Variants in SMAP1 observed in about 807,000 individuals in gnomAD.
The protein encoded by SMAP1 is stromal membrane-associated protein 1.
In SMAP1, 24 loss-of-function variants were observed where a neutral mutation model predicts 58.5. That is an observed-to-expected ratio of 0.41 (90% CI 0.30 to 0.58). The LOEUF (loss-of-function observed/expected upper bound fraction) is 0.58. Ranked by LOEUF, SMAP1 falls within the 20% of genes least tolerant of loss-of-function variation. SMAP1 has a pLI of 0.29. For synonymous variants in SMAP1, 216 were observed against 196.6 expected (o/e 1.10, Z -0.82); for missense variants, 563 against 566.3 (o/e 0.99, Z 0.06).
Position 70,857,976 on chromosome 6 carries a change from T to C in SMAP1, c.1016T>C (p.Phe339Ser). 6.2e-7 allele frequency: 1 copy of C among 1,614,154 alleles called. No homozygotes were observed. Among genetic ancestry groups the C allele is most frequent in the Non-Finnish European group, 8.5e-7 (1 of 1,180,008 alleles). ...TTTACCTCACAAGCACCAGCTGCAT[T>C]TCAGGGCTTTCCATCGATGGGCGTG... is the stretch of plus-strand genomic sequence containing the variant. Reference protein sequence around the residue: ...IPFTSQAPAAFQGFPSMGVPV... With the variant: ...IPFTSQAPAASQGFPSMGVPV... Residue 339 changes from phenylalanine (F) to serine (S), a missense_variant, in exon 10 of 11, where the codon TTT becomes TCT. Transcript: ENST00000370455.
At chr6:70,837,655 CTT>C (rs1770645348) in intron 7 of SMAP1, 8 of 473,194 alleles carry the variant, frequency 1.7e-5, no homozygotes, top group African/African-American at 1.4e-4. Context: ...ATATTGTTAG[CTT>C]CTCTCTCTCT....
intron 7 of SMAP1, among the ~76,000 whole-genome samples, chr6:70,850,452 T>TC (rs1317352657): frequency 7.9e-5 from 12 of 152,100 alleles, no homozygotes; most frequent in Admixed American, 7.9e-4. Flanking sequence ...CCGTTTTTTT[T>TC]CCTTTTATTT....
intron 5 of SMAP1, among the ~76,000 whole-genome samples, chr6:70,796,665 A>G (rs1361687496): frequency 6.6e-6 from 1 of 152,132 alleles, no homozygotes; most frequent in Non-Finnish European, 1.5e-5. Context: ...AGATATGAAG[A>G]TCTTTTTTGA....
At chr6:70,766,751 T>G (rs999178358) in intron 3 of SMAP1, among the ~76,000 whole-genome samples, 3 of 152,218 alleles carry the variant, frequency 2.0e-5, no homozygotes, top group African/African-American at 7.2e-5. Context: ...TTTAATTTAA[T>G]TAGATCCCAT....
chr6:70,830,029 T>C (rs150355535), intron 6 of SMAP1, among the ~76,000 whole-genome samples: 1,592 of 152,342 alleles, frequency 0.01, 13 homozygotes, highest in Non-Finnish European at 0.016. Context: ...ATAAAAGCTT[T>C]AATAATTTGA....
intron 6 of SMAP1, among the ~76,000 whole-genome samples, chr6:70,828,123 GCTAT>G (rs1295336009): frequency 6.6e-6 from 1 of 151,968 alleles, no homozygotes; most frequent in Non-Finnish European, 1.5e-5. Context: ...AGTAATTATA[GCTAT>G]CAATCTATAT....
intron 6 of SMAP1, among the ~76,000 whole-genome samples, chr6:70,808,212 T>C (rs1489848197): frequency 6.6e-6 from 1 of 152,160 alleles, no homozygotes; most frequent in Non-Finnish European, 1.5e-5. Context: ...TTCAAACCCA[T>C]GTCGTTCAAG....
At chr6:70,860,154 A>C in intron 10 of SMAP1, 46 bp from the exon 11 acceptor site, 2 of 1,530,104 alleles carry the variant, frequency 1.3e-6, no homozygotes, top group South Asian at 2.6e-5. Context: ...ACAAGAATTA[A>C]AAGTGAAGTA....
chr6:70,808,409 T>C (rs1769229405), intron 6 of SMAP1, among the ~76,000 whole-genome samples: 1 of 152,226 alleles, frequency 6.6e-6, no homozygotes, highest in African/African-American at 2.4e-5. Context: ...GTGAATGTGT[T>C]CCATGAAAAC....
intron 1 of SMAP1, among the ~76,000 whole-genome samples, chr6:70,712,559 TCTGGTC>T (rs752013881): frequency 2.6e-4 from 40 of 152,328 alleles, no homozygotes; most frequent in Non-Finnish European, 3.2e-4. Flanking sequence ...TGTGAAGCCA[TCTGGTC>T]CTGGATTTTT....
At chr6:70,839,965 T>G (rs1374208825) in intron 7 of SMAP1, among the ~76,000 whole-genome samples, 1 of 152,192 alleles carries the variant, frequency 6.6e-6, no homozygotes, top group Admixed American at 6.5e-5. Context: ...ACCTTGGGCC[T>G]CAGGCTATTT....
In SMAP1 at chr6:70,682,842, A is replaced by G. The variant is rs529433490; in HGVS notation, c.118+14701A>G. The stretch of plus-strand genomic sequence containing the variant: ...CACTTGAGGTCATGAGTTCATAACC[A>G]GCCTGGCCAACGTGGCGAAACCCTG... On this transcript the variant is annotated intron_variant, in intron 1 of 10. Transcript: ENST00000370455. Among the ~76,000 whole-genome samples the G allele has an allele frequency of 3.3e-5, 5 of 152,276 alleles. No homozygotes were observed. The South Asian group carries it at 1.0e-3, about 32-fold the overall frequency.
intron 10 of SMAP1, chr6:70,859,924 T>C (rs1438285506): frequency 3.5e-6 from 1 of 284,778 alleles, no homozygotes; most frequent in African/African-American, 2.2e-5. Flanking sequence ...TGAAAGTTAG[T>C]TAGAGTAGCG....
At chr6:70,730,477 G>C (rs544379358) in intron 1 of SMAP1, among the ~76,000 whole-genome samples, 52 of 152,328 alleles carry the variant, frequency 3.4e-4, no homozygotes, top group Non-Finnish European at 6.0e-4. Context: ...GATAGATAAC[G>C]TTGTAAATTG....
chr6:70,758,815 TA>T (rs1766625993), intron 3 of SMAP1, among the ~76,000 whole-genome samples: 1 of 151,992 alleles, frequency 6.6e-6, no homozygotes, highest in East Asian at 1.9e-4. Flanking sequence ...CTGAAATTTC[TA>T]GCTTGGTTGA....
chr6:70,747,351 T>C (rs1285933314), intron 2 of SMAP1, among the ~76,000 whole-genome samples: 1 of 152,162 alleles, frequency 6.6e-6, no homozygotes, highest in Non-Finnish European at 1.5e-5. Context: ...GAAGAAAGCA[T>C]GTCGTGTTTG....
At chr6:70,680,712 G>GTTTTTTTTTTTTTT (rs34867967) in intron 1 of SMAP1, among the ~76,000 whole-genome samples, 1 of 78,980 alleles carries the variant, frequency 1.3e-5, no homozygotes, top group Non-Finnish European at 2.2e-5. Flanking sequence ...TGGATTTCCT[G>GTTTTTTTTTTTTTT]TTTTTTTTTT....
At chr6:70,770,741 T>A (rs1161693018) in intron 3 of SMAP1, among the ~76,000 whole-genome samples, 2 of 152,248 alleles carry the variant, frequency 1.3e-5, no homozygotes, top group Admixed American at 6.5e-5. Flanking sequence ...AGCCTTTTTC[T>A]CTCAACTTGT....
chr6:70,842,103 A>G (rs1011367157), intron 7 of SMAP1, among the ~76,000 whole-genome samples: 1 of 152,192 alleles, frequency 6.6e-6, no homozygotes, highest in African/African-American at 2.4e-5. Flanking sequence ...TTGTGTAGTT[A>G]TGTGCACATT....
Sources: gnomAD v4.1 joint callset for allele counts (sites outside exome capture counted in the v4.1 genomes callset) on GRCh38, gnomAD v4.1.1 for gene constraint, MANE v1.5 for transcripts, NCBI Gene and HGNC (gene_info 2026-07-23, HGNC 2026-07-21) for gene names.